TMEM190: variants seen among roughly 807,000 people sequenced by gnomAD.
The protein encoded by TMEM190 is transmembrane protein 190.
Under a neutral mutation model 17.1 loss-of-function variants are expected in TMEM190, and 17 were observed. That is an observed-to-expected ratio of 0.99 (90% CI 0.68 to 1.49). The LOEUF (loss-of-function observed/expected upper bound fraction) is 1.49. Among genes scored for constraint, TMEM190 ranks in the 40% most tolerant of loss-of-function variants. TMEM190 has a pLI of 0.00. For synonymous variants in TMEM190, 101 were observed against 103.8 expected, an observed-to-expected ratio of 0.97 and a Z score of 0.16; for missense variants, 246 against 245.0, an observed-to-expected ratio of 1.00 and a Z score of -0.03.
In TMEM190 at chr19:55,377,838, G is replaced by C. The variant is rs1413724197; in HGVS notation, c.257G>C (p.Trp86Ser). ...VRRKHMWALV[W>S]TCSGLLLLSC... Reference sequence around the variant, plus strand: ...AGGAAGCACATGTGGGCGCTGGTCTGGACGTGCAGCGGCCTCCTCCTCCTG... The same window carrying C: ...AGGAAGCACATGTGGGCGCTGGTCTCGACGTGCAGCGGCCTCCTCCTCCTG... Residue 86 changes from tryptophan to serine, a missense_variant, in exon 4 of 5, where the codon TGG becomes TCG. By Grantham distance (177) the Trp-to-Ser change is radical (BLOSUM62 -3). Coordinates refer to ENST00000291934, the MANE Select transcript of TMEM190 (RefSeq NM_139172.3). 1 of 1,611,196 alleles carries C rather than the reference G, an allele frequency of 6.2e-7. No individual in the cohort carries two copies. Among genetic ancestry groups the C allele is most frequent in the African/African-American group, 1.3e-5 (1 of 74,878 alleles).
chr19:55,377,103 C>A (rs2089856639), intron 2 of TMEM190, 77 bp downstream of exon 2: 1 of 1,399,938 alleles, frequency 7.1e-7, no homozygotes, highest in African/African-American at 1.7e-5. Flanking sequence ...GGAGGAGGAG[C>A]TGGGGCCTGG....
intron 2 of TMEM190, 123 bp downstream of exon 2, chr19:55,377,149 C>T: frequency 8.5e-7 from 1 of 1,178,410 alleles, no homozygotes; most frequent in South Asian, 1.3e-5. Flanking sequence ...GGGGTCTGGA[C>T]TCCTGGGTCT....
chr19:55,376,834 C>T lies in TMEM190; in HGVS notation c.-20C>T, dbSNP rs2089854586. 1 of 1,537,236 alleles carries T rather than the reference C, an allele frequency of 6.5e-7. No homozygotes were observed. The highest frequency in any genetic ancestry group is 2.3e-5 in the East Asian group (1 of 42,744). ...GTAAGGCCTCTTCCCACAGTGGCCC[C>T]AGGGGTCTGGGGAGGTGACATGTTG... On this transcript the variant is annotated 5_prime_UTR_variant, in exon 1 of 5. Coordinates refer to ENST00000291934, the MANE Select transcript of TMEM190 (RefSeq NM_139172.3).
chr19:55,377,596 G>A lies in TMEM190; in HGVS notation c.98G>A (p.Cys33Tyr). ...GIQGFFYPWS[C>Y]EGDIWDRESC... ...GCCACTGGTGGTTGGTCCCCAGGCT[G>A]TGAGGGTGACATATGGGACCGGGAG... Residue 33 changes from cysteine to tyrosine, a missense_variant, in exon 3 of 5, where the codon TGT (cysteine) becomes TAT (tyrosine). By Grantham distance (194) the Cys-to-Tyr change is radical (BLOSUM62 -2). Transcript: ENST00000291934. The A allele has an allele frequency of 6.2e-7, 1 of 1,608,924 alleles. No homozygotes were observed. The highest frequency in any genetic ancestry group is 8.5e-7 in the Non-Finnish European group (1 of 1,177,268).
Position 55,377,699 on chromosome 19 carries a change from C to T in TMEM190, c.201C>T (p.Cys67=). The T allele has an allele frequency of 6.2e-7, 1 of 1,612,592 alleles. No individual in the cohort carries two copies. Among genetic ancestry groups the T allele is most frequent in the East Asian group, 2.2e-5 (1 of 44,824 alleles). Residue 67 remains cysteine, a synonymous_variant, in exon 3 of 5, where the codon TGC becomes TGT. Transcript: ENST00000291934. The part of the protein sequence containing the change: ...RLRCCYRNGV[C]YHQRPDENVR... ...GGTGCTGCTACCGCAATGGGGTCTGCTACCACCAGCGTCCAGACGGTGAGG... is the reference window on the plus strand; with the variant it reads ...GGTGCTGCTACCGCAATGGGGTCTGTTACCACCAGCGTCCAGACGGTGAGG...
intron 3 of TMEM190, 29 bp from the exon 4 acceptor site, chr19:55,377,773 C>G (rs759530400): frequency 6.2e-7 from 1 of 1,612,628 alleles, no homozygotes; most frequent in South Asian, 1.1e-5. Flanking sequence ...TCGGGAGCCC[C>G]GGGTCTTAAC....
chr19:55,377,036 C>T lies in TMEM190; in HGVS notation c.94+10C>T, dbSNP rs369802467. ...TTCTTCTACCCATGGAGTGAGCAGCCGCTGAAATACTGGGTCACCCAGGGA... is the reference window on the plus strand; with the variant it reads ...TTCTTCTACCCATGGAGTGAGCAGCTGCTGAAATACTGGGTCACCCAGGGA... On this transcript the variant is annotated intron_variant, in intron 2 of 4. Coordinates refer to ENST00000291934, the MANE Select transcript of TMEM190 (RefSeq NM_139172.3). The T allele has an allele frequency of 4.2e-5, 65 of 1,551,270 alleles. No homozygotes were observed. The African/African-American group carries it at 6.3e-4, about 15-fold the overall frequency.
At position 55,377,999 on chromosome 19, in the gene TMEM190, G is replaced by A. The variant is rs776603878; in HGVS notation, c.330G>A (p.Leu110=). Residue 110 remains leucine, a synonymous_variant, in exon 5 of 5, where the codon CTG becomes CTA. Transcript: ENST00000291934. ...GGTGGGCCAAGCGCCGGGACGTGCT[G>A]CATATGCCCGGTTTCCTGGCGGGTC... ...LFWWAKRRDV[L]HMPGFLAGPC... 6 of 1,612,544 alleles carry A rather than the reference G, an allele frequency of 3.7e-6. No individual in the cohort carries two copies. The highest frequency in any genetic ancestry group is 2.2e-5 in the East Asian group (1 of 44,824).
Position 55,377,453 on chromosome 19 carries a change from G to T in TMEM190, c.95-140G>T, listed in dbSNP as rs879126305. The T allele has an allele frequency of 6.6e-6, 9 of 1,355,554 alleles. No individual in the cohort carries two copies. In the South Asian group the frequency reaches 1.1e-4, roughly 17 times the overall value. 84.0% of individuals were successfully genotyped at this position (1,355,554 alleles called of 1,614,324 possible). On this transcript the variant is annotated intron_variant, in intron 2 of 4. Coordinates refer to ENST00000291934, the MANE Select transcript of TMEM190 (RefSeq NM_139172.3). ...GGACTCCTGGGTCTGAGGGAGGAGG[G>T]GGTGGAGTCTGGACCCCTGGGGCCC... is the stretch of plus-strand genomic sequence containing the variant.
Position 55,376,865 on chromosome 19 carries a change from TG to T in TMEM190, c.15del (p.Ile6SerfsTer89). On this transcript the variant is annotated frameshift_variant, in exon 1 of 5. Transcript: ENST00000291934. LOFTEE classifies it high-confidence loss of function. MLGC[G>X]IPALGLLLLL... is the part of the protein sequence containing the mutation. ...TCTGGGGAGGTGACATGTTGGGCTGTGGGATCCCAGCGCTGGGCCTGCTCCT... is the reference window on the plus strand; with the variant it reads ...TCTGGGGAGGTGACATGTTGGGCTGTGGATCCCAGCGCTGGGCCTGCTCCT... 1 of 1,577,192 alleles carries T rather than the reference TG, an allele frequency of 6.3e-7. No individual in the cohort carries two copies. The highest frequency in any genetic ancestry group is 1.8e-5 in the Admixed American group (1 of 54,354).
Position 55,378,160 on chromosome 19 carries a change from C to G in TMEM190, c.491C>G (p.Thr164Arg), listed in dbSNP as rs372107800. Reference sequence around the variant, plus strand: ...GAGGGAGGCACCGAGGGGGAAGGGACGGAGGAGGGTGAGGAGACAGAGGGC... The same window carrying G: ...GAGGGAGGCACCGAGGGGGAAGGGAGGGAGGAGGGTGAGGAGACAGAGGGC... ...DVEGGTEGEG[T>R]EEGEETEGEE... is the part of the protein sequence containing the mutation. Residue 164 changes from threonine (T) to arginine (R), a missense_variant, in exon 5 of 5, where the codon ACG becomes AGG. Physicochemically the swap from Thr to Arg is moderately conservative, Grantham distance 71. Coordinates refer to ENST00000291934, the MANE Select transcript of TMEM190 (RefSeq NM_139172.3). 6.4e-7 allele frequency: 1 copy of G among 1,571,570 alleles called. No homozygotes were observed. The highest frequency in any genetic ancestry group is 2.3e-5 in the East Asian group (1 of 44,150).
Position 55,376,894 on chromosome 19 carries a change from T to C in TMEM190, c.41T>C (p.Leu14Pro), listed in dbSNP as rs1367353697. ...CGIPALGLLLLLQGSADGNGI... is the reference protein window; with the variant it reads ...CGIPALGLLLPLQGSADGNGI... The stretch of plus-strand genomic sequence containing the variant: ...ATCCCAGCGCTGGGCCTGCTCCTGC[T>C]GCTGCAGGGCTCGGCAGGTGAGGGG... Residue 14 changes from leucine (L) to proline (P), a missense_variant, in exon 1 of 5, where the codon CTG (leucine) becomes CCG (proline). Leu to Pro is a moderately conservative substitution (Grantham distance 98). Coordinates refer to ENST00000291934, the MANE Select transcript of TMEM190 (RefSeq NM_139172.3). 1.3e-6 allele frequency: 2 copies of C among 1,583,692 alleles called. No individual in the cohort carries two copies. The highest frequency in any genetic ancestry group is 1.2e-5 in the South Asian group (1 of 86,542).
rs952047920 is a variant in TMEM190, at chr19:55,378,044, C to T, written c.375C>T (p.Ser125=). The T allele has an allele frequency of 5.6e-6, 9 of 1,612,636 alleles. No individual in the cohort carries two copies. Among genetic ancestry groups the T allele is most frequent in the East Asian group, 4.5e-5 (2 of 44,818 alleles). Residue 125 remains serine (S), a synonymous_variant, in exon 5 of 5, where the codon TCC becomes TCT. Coordinates refer to ENST00000291934, the MANE Select transcript of TMEM190 (RefSeq NM_139172.3). ...CGGGTCCGTGTGACATGTCCAAGTC[C>T]GTCTCGCTGCTCTCCAAGCACCGAG... ...FLAGPCDMSK[S]VSLLSKHRGT...
rs1313289853 is a variant in TMEM190 at position 55,376,912 on chromosome 19, G to T, written c.58+1G>T. On this transcript the variant is annotated splice_donor_variant, in intron 1 of 4. Transcript: ENST00000291934. LOFTEE classifies it high-confidence loss of function. ...CTCCTGCTGCTGCAGGGCTCGGCAGGTGAGGGGCTGGTGAGGCGGGGGAGC... is the reference window on the plus strand; with the variant it reads ...CTCCTGCTGCTGCAGGGCTCGGCAGTTGAGGGGCTGGTGAGGCGGGGGAGC... 6.3e-7 allele frequency: 1 copy of T among 1,575,738 alleles called. No homozygotes were observed.
In TMEM190 at chr19:55,377,019, C is replaced by T. The variant is rs944407916; in HGVS notation, c.87C>T (p.Tyr29=). Residue 29 remains tyrosine (Y), a synonymous_variant, in exon 2 of 5, where the codon TAC becomes TAT. Coordinates refer to ENST00000291934, the MANE Select transcript of TMEM190 (RefSeq NM_139172.3). The part of the protein sequence containing the change: ...ADGNGIQGFF[Y]PWSCEGDIWD... ...GAAATGGAATCCAGGGATTCTTCTA[C>T]CCATGGAGTGAGCAGCCGCTGAAAT... 6.4e-6 allele frequency: 10 copies of T among 1,551,232 alleles called. No individual in the cohort carries two copies. Among genetic ancestry groups the T allele is most frequent in the African/African-American group, 4.1e-5 (3 of 73,030 alleles).
In TMEM190 at chr19:55,377,751, T is replaced by C. The variant is rs542770036; in HGVS notation, c.220+33T>C. 16 of 1,611,876 alleles carry C rather than the reference T, an allele frequency of 9.9e-6. No homozygotes were observed. The East Asian group carries it at 3.6e-4, about 36-fold the overall frequency. The stretch of plus-strand genomic sequence containing the variant: ...CTCCTGGCCCCAGGTCCCTGGGGCG[T>C]GGGTCTGGCGGTCGGGAGCCCCGGG... On this transcript the variant is annotated intron_variant, in intron 3 of 4. Coordinates refer to ENST00000291934, the MANE Select transcript of TMEM190 (RefSeq NM_139172.3).
chr19:55,377,526 A>C, intron 2 of TMEM190, 67 bp from the exon 3 acceptor site: 1 of 1,550,674 alleles, frequency 6.4e-7, no homozygotes, highest in South Asian at 1.2e-5. Context: ...TGGCCTTGGA[A>C]TCTCGTGTAT....
At position 55,376,848 on chromosome 19, in the gene TMEM190, G is replaced by A; in HGVS notation, c.-6G>A. The A allele has an allele frequency of 6.4e-7, 1 of 1,562,468 alleles. No homozygotes were observed. The highest frequency in any genetic ancestry group is 1.3e-5 in the African/African-American group (1 of 74,324). ...CACAGTGGCCCCAGGGGTCTGGGGA[G>A]GTGACATGTTGGGCTGTGGGATCCC... On this transcript the variant is annotated 5_prime_UTR_variant, in exon 1 of 5. Coordinates refer to ENST00000291934, the MANE Select transcript of TMEM190 (RefSeq NM_139172.3).
Position 55,377,594 on chromosome 19 carries a change from C to A in TMEM190, c.96C>A (p.Ser32Arg), listed in dbSNP as rs1411510624. 4 of 1,607,938 alleles carry A rather than the reference C, an allele frequency of 2.5e-6. No homozygotes were observed. The highest frequency in any genetic ancestry group is 2.2e-5 in the South Asian group (2 of 90,262). ...NGIQGFFYPW[S>R]CEGDIWDRES... Reference sequence around the variant, plus strand: ...AAGCCACTGGTGGTTGGTCCCCAGGCTGTGAGGGTGACATATGGGACCGGG... The same window carrying A: ...AAGCCACTGGTGGTTGGTCCCCAGGATGTGAGGGTGACATATGGGACCGGG... The change falls in exon 3 of 5, where the codon AGC (serine) becomes AGA (arginine). Residue 32 changes from serine (S) to arginine (R), a missense_variant and splice_region_variant. By Grantham distance (110) the Ser-to-Arg change is moderately radical (BLOSUM62 -1). Coordinates refer to ENST00000291934, the MANE Select transcript of TMEM190 (RefSeq NM_139172.3).
Sources: allele counts gnomAD v4.1 joint callset, GRCh38; gene constraint gnomAD v4.1.1; transcripts MANE v1.5; gene names NCBI Gene and HGNC (gene_info 2026-07-23, HGNC 2026-07-21).